Variants in PDLIM1 observed in about 807,000 individuals in gnomAD.
PDLIM1 encodes the protein PDZ and LIM domain 1.
Under a neutral mutation model 35.2 loss-of-function variants are expected in PDLIM1, and 25 were observed. That is an observed-to-expected ratio of 0.71 (90% CI 0.52 to 0.99). The LOEUF (loss-of-function observed/expected upper bound fraction) is 0.99. Ranked by LOEUF, PDLIM1 falls within the 50% of genes least tolerant of loss-of-function variation. The pLI is 0.00. For missense variants in PDLIM1, 363 were observed against 415.3 expected (o/e 0.87, Z 1.09); for synonymous variants, 152 against 154.0 (o/e 0.99, Z 0.10).
chr10:95,258,535 A>G (rs1437352545), intron 4 of PDLIM1, among the ~76,000 whole-genome samples: 2 of 152,128 alleles, frequency 1.3e-5, no homozygotes, highest in Non-Finnish European at 2.9e-5. Flanking sequence ...ATTCTGTCAT[A>G]TATTACAACA....
rs140429612 is a variant in PDLIM1 at position 95,289,094 on chromosome 10, C to A, written c.96+1726G>T. On this transcript the variant is annotated intron_variant, in intron 1 of 6. Coordinates refer to ENST00000329399, the MANE Select transcript of PDLIM1 (RefSeq NM_020992.4). ...AGCTAAAGTGAAAGGCAGTAACTGC[C>A]CTTTTAACAGATTGCCAATACATCC... is the stretch of plus-strand genomic sequence containing the variant. Among the ~76,000 whole-genome samples, 54 of 152,286 alleles carry A rather than the reference C, an allele frequency of 3.5e-4. 1 individual carries two copies. Among genetic ancestry groups the A allele is most frequent in the African/African-American group, 1.2e-3 (50 of 41,558 alleles).
In PDLIM1 at chr10:95,290,941, C is replaced by T. The variant is rs2035648497; in HGVS notation, c.-26G>A. 2.0e-6 allele frequency: 3 copies of T among 1,468,048 alleles called. No homozygotes were observed. The highest frequency in any genetic ancestry group is 3.9e-5 in the Admixed American group (2 of 51,150). 90.9% of individuals were successfully genotyped at this position (1,468,048 alleles called of 1,614,324 possible). On this transcript the variant is annotated 5_prime_UTR_variant, in exon 1 of 7. Coordinates refer to ENST00000329399, the MANE Select transcript of PDLIM1 (RefSeq NM_020992.4). The surrounding 1 kb of genome is among the most constrained non-coding windows in gnomAD (Gnocchi z 4.7). Reference sequence around the variant, plus strand: ...GGCGCGGCTGTGGCGGGCGACGACCCGCGGGGACAGACGGGCAGGACGCGC... The same window carrying T: ...GGCGCGGCTGTGGCGGGCGACGACCTGCGGGGACAGACGGGCAGGACGCGC...
chr10:95,290,727 C>T lies in PDLIM1; in HGVS notation c.96+93G>A. On this transcript the variant is annotated intron_variant, in intron 1 of 6. Transcript: ENST00000329399. The surrounding 1 kb of genome is among the most constrained non-coding windows in gnomAD (Gnocchi z 4.7). ...ACCTGGACGCGCCCGGCTGCGGTTC[C>T]GACTCCGTCCCCGACCGCGCCCGCG... The T allele has an allele frequency of 2.5e-6, 2 of 794,858 alleles. No individual in the cohort carries two copies. Among genetic ancestry groups the T allele is most frequent in the Admixed American group, 3.5e-5 (1 of 28,606 alleles). The allele number at this position is 794,858 out of a possible 1,614,324, so 49.2% of individuals were successfully genotyped here.
chr10:95,276,569 T>A (rs1405387755), intron 1 of PDLIM1, among the ~76,000 whole-genome samples: 1 of 152,216 alleles, frequency 6.6e-6, no homozygotes, highest in Non-Finnish European at 1.5e-5. Context: ...TGCCAAACAC[T>A]ATTTATCACA....
intron 1 of PDLIM1, among the ~76,000 whole-genome samples, chr10:95,289,563 G>A (rs2035634117): frequency 6.6e-6 from 1 of 152,204 alleles, no homozygotes; most frequent in South Asian, 2.1e-4. Context: ...ACTGTGGCTG[G>A]CAGACAAGTC....
chr10:95,239,961 G>C (rs1210965998), intron 5 of PDLIM1, among the ~76,000 whole-genome samples: 1 of 152,182 alleles, frequency 6.6e-6, no homozygotes, highest in Non-Finnish European at 1.5e-5. Context: ...ACGCCAGTCT[G>C]AATGGCTATT....
rs1554832130 is a variant in PDLIM1, at chr10:95,257,036, A to AAG, written c.533+6826_533+6827dup. On this transcript the variant is annotated intron_variant, in intron 4 of 6. Coordinates refer to ENST00000329399, the MANE Select transcript of PDLIM1 (RefSeq NM_020992.4). The stretch of plus-strand genomic sequence containing the variant: ...AAAGAAAGAAAGAAAGAAAGAAAGA[A>AAG]AGAATTCAAAATAGATTAAAGACCA... Among the ~76,000 whole-genome samples the AAG allele has an allele frequency of 4.6e-5, 7 of 150,750 alleles. No individual in the cohort carries two copies. The East Asian group carries it at 1.4e-3, about 29-fold the overall frequency.
chr10:95,268,661 G>GT (rs1363414712), intron 3 of PDLIM1, 117 bp downstream of exon 3: 1 of 733,588 alleles, frequency 1.4e-6, no homozygotes, highest in Non-Finnish European at 2.5e-6. Context: ...AGCAGAGACA[G>GT]TGAAGGGTCT....
Position 95,263,868 on chromosome 10 carries a change from T to G in PDLIM1, c.529A>C (p.Arg177=), listed in dbSNP as rs377327535. The G allele has an allele frequency of 1.4e-5, 23 of 1,610,868 alleles. No individual in the cohort carries two copies. Among genetic ancestry groups the G allele is most frequent in the Non-Finnish European group, 2.0e-5 (23 of 1,178,302 alleles). The change falls in exon 4 of 7, where the codon AGA becomes CGA. Residue 177 remains arginine, a synonymous_variant. Transcript: ENST00000329399. The part of the protein sequence containing the change: ...TAASGVEANS[R]PLDHAQPPSS... The stretch of plus-strand genomic sequence containing the variant: ...GAGGACTCCTGGGCTACTTACGGTC[T>G]GCTGTTCGCCTCCACCCCGCTGGCA...
chr10:95,247,419 C>T (rs1286984142), intron 4 of PDLIM1, 53 bp from the exon 5 acceptor site: 3 of 1,474,930 alleles, frequency 2.0e-6, no homozygotes, highest in Non-Finnish European at 2.8e-6. Flanking sequence ...TTAAAAATAA[C>T]TTCACCAGGA....
chr10:95,247,158 C>CAT, intron 5 of PDLIM1, 57 bp downstream of exon 5: 2 of 1,512,638 alleles, frequency 1.3e-6, no homozygotes, highest in South Asian at 2.5e-5. Context: ...TCCACAATGA[C>CAT]TGACTCTCAC....
intron 4 of PDLIM1, among the ~76,000 whole-genome samples, chr10:95,247,902 C>T (rs1352372174): frequency 6.6e-6 from 1 of 152,260 alleles, no homozygotes; most frequent in East Asian, 1.9e-4. Flanking sequence ...GGTAACAGTA[C>T]TTTCCTTGCC....
chr10:95,258,118 C>G (rs1045080709), intron 4 of PDLIM1, among the ~76,000 whole-genome samples: 5 of 152,078 alleles, frequency 3.3e-5, no homozygotes, highest in African/African-American at 1.2e-4. Context: ...TTAAAACCAT[C>G]AGATCCTGTG....
intron 1 of PDLIM1, among the ~76,000 whole-genome samples, chr10:95,289,395 G>A (rs549077835): frequency 6.6e-6 from 1 of 152,236 alleles, no homozygotes; most frequent in East Asian, 1.9e-4. Flanking sequence ...GGCTGGAAAG[G>A]CAGTGTGTAC....
intron 4 of PDLIM1, among the ~76,000 whole-genome samples, chr10:95,250,092 CTT>C (rs1319360921): frequency 1.3e-5 from 2 of 152,154 alleles, no homozygotes; most frequent in East Asian, 1.9e-4. Context: ...ATGCCTGACT[CTT>C]TGAGTCCTGA....
intron 5 of PDLIM1, among the ~76,000 whole-genome samples, chr10:95,244,742 A>G (rs2035204610): frequency 6.6e-6 from 1 of 152,126 alleles, no homozygotes; most frequent in Admixed American, 6.5e-5. Context: ...TCTATTAAAA[A>G]TACAAAAATT....
intron 1 of PDLIM1, among the ~76,000 whole-genome samples, chr10:95,286,391 A>T (rs1753756569): frequency 6.6e-6 from 1 of 152,102 alleles, no homozygotes; most frequent in South Asian, 2.1e-4. Context: ...TTCAAAGGGT[A>T]TGAAAACCTC....
intron 1 of PDLIM1, among the ~76,000 whole-genome samples, chr10:95,276,950 C>A (rs938872839): frequency 7.6e-5 from 11 of 144,280 alleles, no homozygotes; most frequent in African/African-American, 2.8e-4. Flanking sequence ...TGGTGGCTTA[C>A]GCCTGTAATC....
In PDLIM1 at chr10:95,246,763, C is replaced by A. The variant is rs532183288; in HGVS notation, c.685+452G>T. ...ACCTTAGAGCAAATGCAAACACATG[C>A]CCCCAAGCAAAGCCAGCCCCTGGCT... On this transcript the variant is annotated intron_variant, in intron 5 of 6. Coordinates refer to ENST00000329399, the MANE Select transcript of PDLIM1 (RefSeq NM_020992.4). 3.3e-5 allele frequency among the ~76,000 whole-genome samples: 5 copies of A among 152,290 alleles called. No individual in the cohort carries two copies. In the South Asian group the frequency reaches 1.0e-3, roughly 32 times the overall value.
Sources: allele counts gnomAD v4.1 joint callset (sites outside exome capture counted in the v4.1 genomes callset), GRCh38; gene constraint gnomAD v4.1.1; non-coding constraint Gnocchi (gnomAD v3.1); transcripts MANE v1.5; gene names NCBI Gene and HGNC (gene_info 2026-07-23, HGNC 2026-07-21).